Variants in SHCBP1 observed in about 807,000 individuals in gnomAD.
SHCBP1 encodes SHC binding and spindle associated 1, also known as SHC SH2 domain-binding protein 1.
In SHCBP1, 60 loss-of-function variants were observed where a neutral mutation model predicts 75.1. The observed-to-expected ratio is 0.80, with a 90% CI of 0.65 to 0.99. The LOEUF (loss-of-function observed/expected upper bound fraction) is 0.99. SHCBP1 is among the 50% of genes least tolerant of loss of function. The pLI is 0.00. For missense variants in SHCBP1, 709 were observed against 809.4 expected (o/e 0.88, Z 1.50); for synonymous variants, 290 against 293.2 (o/e 0.99, Z 0.11).
At chr16:46,612,802 CT>C (rs756983693) in intron 4 of SHCBP1, among the ~76,000 whole-genome samples, 1 of 152,152 alleles carries the variant, frequency 6.6e-6, no homozygotes, top group Non-Finnish European at 1.5e-5. Context: ...ACATCATTCC[CT>C]TCTGTACCTC....
At chr16:46,608,559 A>T (rs1965359082) in intron 4 of SHCBP1, among the ~76,000 whole-genome samples, 170 bp from the exon 5 acceptor site, 1 of 150,698 alleles carries the variant, frequency 6.6e-6, no homozygotes, top group African/African-American at 2.4e-5. Flanking sequence ...CCTTTTTTGG[A>T]TCAGCTAAAG....
At chr16:46,585,092 GC>G (rs1444098208) in intron 10 of SHCBP1, among the ~76,000 whole-genome samples, 10 of 152,086 alleles carry the variant, frequency 6.6e-5, no homozygotes, top group Non-Finnish European at 1.2e-4. Context: ...AGATTTTGGG[GC>G]GACTATGTTT....
intron 4 of SHCBP1, among the ~76,000 whole-genome samples, chr16:46,613,034 C>T (rs1015162852): frequency 1.3e-5 from 2 of 152,148 alleles, no homozygotes; most frequent in Admixed American, 1.3e-4. Context: ...GTTTTCTACA[C>T]AGAAGCCACA....
At chr16:46,599,749 C>A in intron 9 of SHCBP1, 82 bp downstream of exon 9, 3 of 1,095,996 alleles carry the variant, frequency 2.7e-6, no homozygotes, top group Non-Finnish European at 3.5e-6. Context: ...AGTGGCATTT[C>A]ATTAAATTCT....
chr16:46,601,102 A>T (rs1449419501), intron 8 of SHCBP1, among the ~76,000 whole-genome samples: 1 of 152,140 alleles, frequency 6.6e-6, no homozygotes, highest in Non-Finnish European at 1.5e-5. Flanking sequence ...TGAGGTCAGG[A>T]GTTCGAGACC....
intron 4 of SHCBP1, among the ~76,000 whole-genome samples, chr16:46,614,665 G>A (rs12102519): frequency 1.3e-5 from 2 of 151,714 alleles, no homozygotes; most frequent in African/African-American, 4.9e-5. Flanking sequence ...CACTTGCTTT[G>A]ACCAGACATA....
chr16:46,608,735 C>G (rs1965362423), intron 4 of SHCBP1, among the ~76,000 whole-genome samples: 1 of 151,340 alleles, frequency 6.6e-6, no homozygotes. Flanking sequence ...TCCCGAGTAG[C>G]TGAGATGGCA....
chr16:46,613,980 T>C (rs1596689156), intron 4 of SHCBP1, among the ~76,000 whole-genome samples: 1 of 152,360 alleles, frequency 6.6e-6, no homozygotes, highest in African/African-American at 2.4e-5. Flanking sequence ...CAGATACTTA[T>C]TTTTCCACGA....
At position 46,579,664 on chromosome 16, in the gene SHCBP1, G is replaced by T. The variant is rs531158989; in HGVS notation, c.*2065C>A. On this transcript the variant is annotated 3_prime_UTR_variant, in exon 13 of 13. Transcript: ENST00000303383. ...AAAATACAAAAAAAAGGCCAGGCAC[G>T]TGGCTCATGCCTGTAATCCCAGCAC... 5.9e-5 allele frequency among the ~76,000 whole-genome samples: 9 copies of T among 152,148 alleles called. No individual in the cohort carries two copies. In the South Asian group the frequency reaches 1.9e-3, roughly 32 times the overall value.
intron 4 of SHCBP1, among the ~76,000 whole-genome samples, chr16:46,611,277 G>A (rs774079554): frequency 2.6e-5 from 4 of 152,206 alleles, no homozygotes; most frequent in African/African-American, 4.8e-5. Context: ...GTTGGAAAGT[G>A]AATGAATACA....
intron 8 of SHCBP1, among the ~76,000 whole-genome samples, chr16:46,602,558 A>G (rs576670021): frequency 6.7e-6 from 1 of 148,794 alleles, no homozygotes; most frequent in South Asian, 2.1e-4. Flanking sequence ...GAAAATATAC[A>G]GGACCAAGAT....
intron 3 of SHCBP1, among the ~76,000 whole-genome samples, chr16:46,617,055 A>G (rs1236913553): frequency 6.6e-6 from 1 of 152,238 alleles, no homozygotes; most frequent in East Asian, 1.9e-4. Context: ...AGAAAAATTC[A>G]AAGCTGTAAT....
intron 10 of SHCBP1, among the ~76,000 whole-genome samples, chr16:46,592,482 C>T (rs943865055): frequency 7.9e-5 from 12 of 152,018 alleles, no homozygotes; most frequent in South Asian, 2.1e-4. Flanking sequence ...GAGAAATCTC[C>T]GGGCCCAGGT....
intron 10 of SHCBP1, among the ~76,000 whole-genome samples, chr16:46,594,819 T>C (rs1284718901): frequency 2.6e-5 from 4 of 152,196 alleles, no homozygotes; most frequent in Admixed American, 6.5e-5. Context: ...TTACTGACAA[T>C]AGGCAAAAAC....
At position 46,582,020 on chromosome 16, in the gene SHCBP1, C is replaced by T. The variant is rs753296665; in HGVS notation, c.1728G>A (p.Glu576=). The stretch of plus-strand genomic sequence containing the variant: ...GATCCACTCTTTCAGCCACATCTGG[C>T]TCTCCACTTGTCTGAATTTTAAGCG... ...NKALKIQTSG[E]PDVAERVDLE... The change falls in exon 13 of 13, where the codon GAG becomes GAA. Residue 576 remains glutamate, a synonymous_variant. Transcript: ENST00000303383. The T allele has an allele frequency of 5.0e-6, 8 of 1,611,966 alleles. No individual in the cohort carries two copies. The Admixed American group carries it at 1.3e-4, about 27-fold the overall frequency.
chr16:46,603,765 C>G, intron 7 of SHCBP1, 106 bp from the exon 8 acceptor site: 1 of 1,464,984 alleles, frequency 6.8e-7, no homozygotes, highest in Non-Finnish European at 9.4e-7. Flanking sequence ...AAGCCAAAAA[C>G]TGCATATTGA....
intron 5 of SHCBP1, among the ~76,000 whole-genome samples, chr16:46,606,707 A>G (rs967487850): frequency 9.2e-5 from 14 of 152,244 alleles, no homozygotes; most frequent in Non-Finnish European, 1.8e-4. Context: ...GAAAAATAGG[A>G]AATGCACAAT....
At chr16:46,610,350 A>C (rs551201225) in intron 4 of SHCBP1, among the ~76,000 whole-genome samples, 1 of 151,974 alleles carries the variant, frequency 6.6e-6, no homozygotes, top group Admixed American at 6.6e-5. Flanking sequence ...AATTCCCCTA[A>C]TTGTCTCCTG....
At chr16:46,585,524 A>ACG (rs1964943633) in intron 10 of SHCBP1, among the ~76,000 whole-genome samples, 1 of 152,100 alleles carries the variant, frequency 6.6e-6, no homozygotes, top group Non-Finnish European at 1.5e-5. Context: ...CATACACCCA[A>ACG]AAAAAAGCTG....
Sources: allele counts gnomAD v4.1 joint callset (sites outside exome capture counted in the v4.1 genomes callset), GRCh38; gene constraint gnomAD v4.1.1; transcripts MANE v1.5; gene names NCBI Gene and HGNC (gene_info 2026-07-23, HGNC 2026-07-21).